The following CDC42SE2 variants were observed in gnomAD, a reference collection of about 807,000 sequenced individuals.
The protein encoded by CDC42SE2 is CDC42 small effector 2, also known as CDC42 small effector protein 2.
Under a neutral mutation model 11.5 loss-of-function variants are expected in CDC42SE2, and 3 were observed. That is an observed-to-expected ratio of 0.26 (90% CI 0.12 to 0.67). The LOEUF (loss-of-function observed/expected upper bound fraction) is 0.67, where lower values mean the gene tolerates loss of function less well. CDC42SE2 is among the 30% of genes least tolerant of loss of function. The pLI is 0.80. For missense variants in CDC42SE2, 82 were observed against 106.8 expected, an observed-to-expected ratio of 0.77 and a Z score of 1.02; for synonymous variants, 33 against 34.8, an observed-to-expected ratio of 0.95 and a Z score of 0.18.
At chr5:131,278,361 A>C (rs1757147521) in intron 1 of CDC42SE2, among the ~76,000 whole-genome samples, 1 of 152,156 alleles carries the variant, frequency 6.6e-6, no homozygotes, top group South Asian at 2.1e-4. Context: ...CTAGAAAAGA[A>C]ACTGGATTAT....
At chr5:131,307,515 C>T (rs1318662822) in intron 1 of CDC42SE2, among the ~76,000 whole-genome samples, 5 of 151,986 alleles carry the variant, frequency 3.3e-5, no homozygotes, top group East Asian at 1.9e-4. Flanking sequence ...TGAATAATGC[C>T]GCAGTAAACA....
intron 2 of CDC42SE2, among the ~76,000 whole-genome samples, chr5:131,347,020 C>T (rs2149758529): frequency 6.6e-6 from 1 of 152,208 alleles, no homozygotes; most frequent in Admixed American, 6.5e-5. Flanking sequence ...AAATTTATAG[C>T]ACTAAATGCC....
At chr5:131,342,537 C>T (rs1336412448) in intron 2 of CDC42SE2, among the ~76,000 whole-genome samples, 4 of 149,886 alleles carry the variant, frequency 2.7e-5, no homozygotes, top group South Asian at 2.1e-4. Flanking sequence ...TACAGGCGCC[C>T]GCCACTATGC....
intron 3 of CDC42SE2, among the ~76,000 whole-genome samples, chr5:131,361,738 C>T (rs1447098103): frequency 6.6e-6 from 1 of 152,032 alleles, no homozygotes; most frequent in Non-Finnish European, 1.5e-5. Context: ...GATGAGGGAG[C>T]CAGAATGGAG....
intron 1 of CDC42SE2, among the ~76,000 whole-genome samples, chr5:131,279,151 A>G (rs949806201): frequency 6.6e-6 from 1 of 152,154 alleles, no homozygotes; most frequent in Non-Finnish European, 1.5e-5. Context: ...AAATTTCTTT[A>G]TGGTGGTCAG....
chr5:131,221,338 A>G, the CDC42SE2 span, among the ~76,000 whole-genome samples: 2 of 151,918 alleles, frequency 1.3e-5, no homozygotes, highest in Admixed American at 6.6e-5. Context: ...CATTAGTGTT[A>G]GCGTATTTTA....
At chr5:131,347,819 TC>T (rs1455675638) in intron 2 of CDC42SE2, among the ~76,000 whole-genome samples, 1 of 152,216 alleles carries the variant, frequency 6.6e-6, no homozygotes, top group Non-Finnish European at 1.5e-5. Context: ...GTGGGCTTTA[TC>T]CCTGGGATGC....
chr5:131,229,686 C>G, the CDC42SE2 span, among the ~76,000 whole-genome samples: 15,301 of 152,272 alleles, frequency 0.1, 922 homozygotes, highest in South Asian at 0.14. Flanking sequence ...ATAATCCCAG[C>G]ACTTTGGGAG....
chr5:131,269,971 G>T (rs1756958739), intron 1 of CDC42SE2, among the ~76,000 whole-genome samples: 1 of 152,102 alleles, frequency 6.6e-6, no homozygotes, highest in African/African-American at 2.4e-5. Context: ...TGAGGCAGGA[G>T]AATTACTTGA....
chr5:131,315,221 G>A (rs1233528326), intron 1 of CDC42SE2, among the ~76,000 whole-genome samples: 1 of 152,004 alleles, frequency 6.6e-6, no homozygotes, highest in African/African-American at 2.4e-5. Context: ...TTATTTGGAC[G>A]CTTTTAGATG....
chr5:131,248,979 A>G (rs981889312), intron 1 of CDC42SE2, among the ~76,000 whole-genome samples: 1 of 151,576 alleles, frequency 6.6e-6, no homozygotes, highest in African/African-American at 2.4e-5. Flanking sequence ...TATATATTGA[A>G]GATTAATAAG....
chr5:131,373,406 A>G (rs1750065911), intron 3 of CDC42SE2, among the ~76,000 whole-genome samples: 1 of 152,142 alleles, frequency 6.6e-6, no homozygotes, highest in Non-Finnish European at 1.5e-5. Context: ...AGCATTCTTC[A>G]CCTGCCTTCA....
chr5:131,276,133 A>G (rs1010001502), intron 1 of CDC42SE2, among the ~76,000 whole-genome samples: 5 of 148,452 alleles, frequency 3.4e-5, no homozygotes, highest in African/African-American at 1.2e-4. Context: ...TGTAGATCTC[A>G]TTTGCTGTTG....
intron 1 of CDC42SE2, among the ~76,000 whole-genome samples, chr5:131,252,059 TGGAAGGAA>T (rs60052435): frequency 0.023 from 2,721 of 118,066 alleles, 92 homozygotes; most frequent in African/African-American, 0.075. Context: ...AGAGAATGAG[TGGAAGGAA>T]GGAAGGAAGG....
At chr5:131,278,863 C>A (rs532845323) in intron 1 of CDC42SE2, among the ~76,000 whole-genome samples, 1 of 137,704 alleles carries the variant, frequency 7.3e-6, no homozygotes, top group South Asian at 2.5e-4. Flanking sequence ...TGGCTCACTG[C>A]AACCTCTGCC....
chr5:131,317,325 T>C (rs898736360), intron 2 of CDC42SE2, among the ~76,000 whole-genome samples: 2 of 152,240 alleles, frequency 1.3e-5, no homozygotes, highest in Non-Finnish European at 2.9e-5. Flanking sequence ...ATCTAATAAA[T>C]GGAATTTCAC....
At chr5:131,337,056 G>A (rs754862034) in intron 2 of CDC42SE2, among the ~76,000 whole-genome samples, 4 of 152,258 alleles carry the variant, frequency 2.6e-5, no homozygotes, top group East Asian at 1.9e-4. Context: ...GATTTTTAGC[G>A]TTTCCGGTTT....
chr5:131,348,662 G>A (rs13359048), intron 2 of CDC42SE2, among the ~76,000 whole-genome samples: 4,756 of 152,070 alleles, frequency 0.031, 189 homozygotes, highest in African/African-American at 0.094. Context: ...ATATGGAACC[G>A]AAAAAGAGCC....
intron 1 of CDC42SE2, among the ~76,000 whole-genome samples, chr5:131,290,048 T>C (rs1757424028): frequency 1.3e-5 from 2 of 152,170 alleles, no homozygotes; most frequent in Non-Finnish European, 2.9e-5. Context: ...GGTCTCACTA[T>C]GTTGCCCAGG....
Sources: allele counts gnomAD v4.1 joint callset (sites outside exome capture counted in the v4.1 genomes callset), GRCh38; gene constraint gnomAD v4.1.1; transcripts MANE v1.5; gene names NCBI Gene and HGNC (gene_info 2026-07-23, HGNC 2026-07-21).